Variants in CSMD1 observed in about 807,000 individuals in gnomAD.
CSMD1 encodes CUB and sushi domain-containing protein 1.
CSMD1 carries 213 observed loss-of-function variants against 417.5 expected under a neutral mutation model. That is an observed-to-expected ratio of 0.51 (90% CI 0.46 to 0.57). The LOEUF is 0.57. CSMD1 is among the 20% of genes least tolerant of loss of function. CSMD1 has a pLI of 0.00. For synonymous variants in CSMD1, 2,862 were observed against 1,736.8 expected (o/e 1.65, Z -16.11); for missense variants, 6,923 against 4,529.7 (o/e 1.53, Z -15.17).
intron 1 of CSMD1, among the ~76,000 whole-genome samples, chr8:4,876,750 A>C (rs1281286355): frequency 9.2e-5 from 14 of 152,034 alleles, no homozygotes; most frequent in Admixed American, 9.2e-4. Flanking sequence ...TGAGTGTACC[A>C]GTTTACATCT....
At chr8:4,029,149 G>A (rs190386796) in intron 4 of CSMD1, among the ~76,000 whole-genome samples, 9 of 152,278 alleles carry the variant, frequency 5.9e-5, no homozygotes, top group Admixed American at 5.2e-4. Context: ...GGAGGCAACA[G>A]GGCTAGAAGG....
At chr8:4,047,060 G>T (rs1392634276) in intron 3 of CSMD1, among the ~76,000 whole-genome samples, 1 of 152,156 alleles carries the variant, frequency 6.6e-6, no homozygotes. Flanking sequence ...AATGAATACA[G>T]AATTAAATGT....
At chr8:3,683,988 A>G (rs538001880) in intron 7 of CSMD1, among the ~76,000 whole-genome samples, 1 of 151,664 alleles carries the variant, frequency 6.6e-6, no homozygotes, top group Non-Finnish European at 1.5e-5. Context: ...AGTATGAAGT[A>G]ACTCATTAGA....
At chr8:3,173,128 T>C (rs1271074008) in intron 37 of CSMD1, among the ~76,000 whole-genome samples, 1 of 152,206 alleles carries the variant, frequency 6.6e-6, no homozygotes, top group Non-Finnish European at 1.5e-5. Context: ...AAGCACCATG[T>C]GATTACGTAA....
At chr8:4,307,291 T>G (rs1420515726) in intron 3 of CSMD1, among the ~76,000 whole-genome samples, 1 of 152,224 alleles carries the variant, frequency 6.6e-6, no homozygotes, top group East Asian at 1.9e-4. Context: ...CACATATATA[T>G]ATTAATCCCC....
chr8:3,895,351 T>C (rs1443119173), intron 5 of CSMD1, among the ~76,000 whole-genome samples: 2 of 152,176 alleles, frequency 1.3e-5, no homozygotes, highest in Non-Finnish European at 2.9e-5. Context: ...ACTGAGACAA[T>C]TTATAACACA....
intron 10 of CSMD1, among the ~76,000 whole-genome samples, chr8:3,521,895 G>T (rs1199233986): frequency 1.3e-5 from 2 of 152,100 alleles, no homozygotes; most frequent in Non-Finnish European, 2.9e-5. Flanking sequence ...ATTTTGTGTT[G>T]TCAATAAAAG....
chr8:4,662,323 G>A (rs887030501), intron 1 of CSMD1, among the ~76,000 whole-genome samples: 3 of 152,114 alleles, frequency 2.0e-5, no homozygotes, highest in Non-Finnish European at 4.4e-5. Flanking sequence ...TTACTCAGAG[G>A]AAATGAGGGA....
At chr8:3,926,811 G>A (rs563514098) in intron 5 of CSMD1, among the ~76,000 whole-genome samples, 9 of 149,024 alleles carry the variant, frequency 6.0e-5, no homozygotes, top group African/African-American at 1.2e-4. Context: ...TGCCTCCCGG[G>A]TTCAAGCAAT....
Position 4,081,392 on chromosome 8 carries a change from A to G in CSMD1, c.416-49293T>C, listed in dbSNP as rs144899502. On this transcript the variant is annotated intron_variant, in intron 3 of 69. Transcript: ENST00000635120. ...AAACTGTGATTTCTGAATATAGATG[A>G]TTATAAAAGGCTTTGCAGCTTCCTC... is the stretch of plus-strand genomic sequence containing the variant. 5.7e-3 allele frequency among the ~76,000 whole-genome samples: 871 copies of G among 152,230 alleles called. 7 individuals carry two copies. The highest frequency in any genetic ancestry group is 0.02 in the Middle Eastern group (6 of 294).
chr8:4,132,006 C>T (rs1338457364), intron 3 of CSMD1, among the ~76,000 whole-genome samples: 1 of 151,718 alleles, frequency 6.6e-6, no homozygotes, highest in Non-Finnish European at 1.5e-5. Context: ...CCTCGTGATC[C>T]CTGTGACTAT....
At chr8:4,108,053 GAC>G (rs1485551722) in intron 3 of CSMD1, among the ~76,000 whole-genome samples, 2 of 2,054 alleles carry the variant, frequency 9.7e-4, no homozygotes, top group Non-Finnish European at 1.8e-3. Context: ...GAGAGACAGA[GAC>G]AGAGACAGAG....
At chr8:4,481,182 T>C (rs986392640) in intron 2 of CSMD1, among the ~76,000 whole-genome samples, 45 of 152,240 alleles carry the variant, frequency 3.0e-4, no homozygotes, top group Admixed American at 4.6e-4. Flanking sequence ...TTCCAGATTA[T>C]AGTCAATTGT....
chr8:4,321,557 T>A (rs1436343615), intron 3 of CSMD1, among the ~76,000 whole-genome samples: 2 of 152,084 alleles, frequency 1.3e-5, no homozygotes, highest in East Asian at 3.9e-4. Context: ...ATCACAGATA[T>A]AACAGACAAT....
intron 36 of CSMD1, among the ~76,000 whole-genome samples, chr8:3,184,933 A>C (rs971159196): frequency 6.6e-6 from 1 of 152,250 alleles, no homozygotes; most frequent in Non-Finnish European, 1.5e-5. Flanking sequence ...GCCTAAGTGC[A>C]TCAGGCTACC....
intron 12 of CSMD1, among the ~76,000 whole-genome samples, chr8:3,459,242 C>T (rs548041596): frequency 1.2e-4 from 19 of 152,196 alleles, no homozygotes; most frequent in South Asian, 2.1e-4. Context: ...CACAGGTGCA[C>T]GAAGAGGCTG....
intron 2 of CSMD1, among the ~76,000 whole-genome samples, chr8:4,510,602 GCCTTCCTTCCCTCCTC>G (rs1163513003): frequency 2.3e-5 from 3 of 127,758 alleles, no homozygotes; most frequent in African/African-American, 9.2e-5. Context: ...CTTCCTTCTT[GCCTTCCTTCCCTCCTC>G]CCTTCCTTCC....
chr8:3,344,762 A>G (rs1052187285), intron 22 of CSMD1, among the ~76,000 whole-genome samples: 2 of 152,198 alleles, frequency 1.3e-5, no homozygotes, highest in African/African-American at 4.8e-5. Context: ...ATATAAACCC[A>G]GGGATGTACA....
chr8:4,448,301 T>G (rs921253907), intron 2 of CSMD1, among the ~76,000 whole-genome samples: 19 of 152,152 alleles, frequency 1.2e-4, no homozygotes, highest in African/African-American at 4.3e-4. Context: ...AAGGGTACAT[T>G]TTGTTTGCCG....
Sources: gnomAD v4.1 joint callset for allele counts (sites outside exome capture counted in the v4.1 genomes callset) on GRCh38, gnomAD v4.1.1 for gene constraint, MANE v1.5 for transcripts, NCBI Gene and HGNC (gene_info 2026-07-23, HGNC 2026-07-21) for gene names.